The following AMMECR1 variants were observed in gnomAD, a reference collection of about 807,000 sequenced individuals.
The protein encoded by AMMECR1 is nuclear protein AMMECR1.
In AMMECR1, 3 loss-of-function variants were observed where a neutral mutation model predicts 22.5. The observed-to-expected ratio is 0.13, with a 90% CI of 0.06 to 0.35. AMMECR1 has a LOEUF of 0.35. AMMECR1 is among the 10% of genes least tolerant of loss of function. The pLI is 1.00. For missense variants in AMMECR1, 235 were observed against 278.7 expected, an observed-to-expected ratio of 0.84 and a Z score of 1.12; for synonymous variants, 130 against 116.7, an observed-to-expected ratio of 1.11 and a Z score of -0.74.
chrX:110,341,888 C>A (rs2068165792), intron 2 of AMMECR1, among the ~76,000 whole-genome samples: 1 of 110,921 alleles, frequency 9.0e-6, no homozygotes, highest in South Asian at 3.9e-4. Flanking sequence ...CATGGTGAAA[C>A]CTTGTCTCTA....
At chrX:110,360,565 A>G (rs1376427512) in intron 2 of AMMECR1, among the ~76,000 whole-genome samples, 1 of 111,734 alleles carries the variant, frequency 8.9e-6, no homozygotes, top group Non-Finnish European at 1.9e-5. Context: ...AGAATTGCAT[A>G]ATGGAGAGTA....
At chrX:110,294,479 C>G (rs2067924923) in intron 1 of AMMECR1, among the ~76,000 whole-genome samples, 1 of 112,191 alleles carries the variant, frequency 8.9e-6, no homozygotes, top group African/African-American at 3.2e-5. Context: ...CACTAGGAAT[C>G]TTGTTTTGTC....
chrX:110,279,361 T>C (rs1407985419), intron 1 of AMMECR1, among the ~76,000 whole-genome samples: 1 of 112,591 alleles, frequency 8.9e-6, no homozygotes, highest in Admixed American at 9.4e-5. Context: ...TCCAAATTGT[T>C]TTCTATAGGA....
At chrX:110,217,149 A>C (rs1198517296) in intron 2 of AMMECR1, among the ~76,000 whole-genome samples, 2 of 108,839 alleles carry the variant, frequency 1.8e-5, no homozygotes, top group Admixed American at 9.9e-5. Flanking sequence ...ACCATAGAAC[A>C]GCACTCAAAG....
chrX:110,380,450 CACAG>C (rs1222822266), intron 2 of AMMECR1, among the ~76,000 whole-genome samples: 1 of 111,844 alleles, frequency 8.9e-6, no homozygotes, highest in Non-Finnish European at 1.9e-5. Context: ...TCAGAGGCAA[CACAG>C]ACAAATGGAA....
intron 1 of AMMECR1, 117 bp downstream of exon 1, chrX:110,317,482 C>T (rs1299626259): frequency 7.5e-6 from 8 of 1,060,121 alleles, no homozygotes; most frequent in Non-Finnish European, 9.7e-6. Flanking sequence ...GCTCCGGGGA[C>T]CCGGGCAGCG....
intron 5 of AMMECR1, among the ~76,000 whole-genome samples, 165 bp downstream of exon 5, chrX:110,200,789 G>A (rs777512084): frequency 8.9e-6 from 1 of 112,082 alleles, no homozygotes; most frequent in African/African-American, 3.2e-5. Context: ...GCTTTACTAC[G>A]AAGCAGAGTT....
At chrX:110,297,622 C>T (rs1342787833) in intron 1 of AMMECR1, among the ~76,000 whole-genome samples, 1 of 111,577 alleles carries the variant, frequency 9.0e-6, no homozygotes, top group Non-Finnish European at 1.9e-5. Context: ...TGAATAAACA[C>T]TCCTCAGGTT....
intron 1 of AMMECR1, among the ~76,000 whole-genome samples, chrX:110,312,249 T>C (rs1219746595): frequency 1.3e-4 from 15 of 112,716 alleles, no homozygotes. Context: ...TATAATCCAC[T>C]ACAGCTAAGG....
At position 110,418,087 on chromosome X, in the gene AMMECR1, A is replaced by G. The variant is rs554615629; in HGVS notation, c.-148+8571T>C. Among the ~76,000 whole-genome samples the G allele has an allele frequency of 3.6e-5, 4 of 112,415 alleles. No individual in the cohort carries two copies. The South Asian group carries it at 1.5e-3, about 42-fold the overall frequency. ...AGAGAGGGCATCCCAGTCAGAAGGG[A>G]TATTCTGAGCAAAGAACCCAAAGAG... On this transcript the variant is annotated intron_variant, in intron 2 of 7. Transcript: ENST00000372057.
chrX:110,290,865 A>C (rs999909882), intron 1 of AMMECR1, among the ~76,000 whole-genome samples: 1 of 111,866 alleles, frequency 8.9e-6, no homozygotes, highest in Non-Finnish European at 1.9e-5. Context: ...ATGCTTATTA[A>C]TGTTTTTGAA....
intron 1 of AMMECR1, among the ~76,000 whole-genome samples, chrX:110,310,554 G>C: frequency 9.0e-6 from 1 of 111,517 alleles, no homozygotes; most frequent in Non-Finnish European, 1.9e-5. Context: ...AAGGGGAGGA[G>C]AGTTCTTATG....
intron 2 of AMMECR1, among the ~76,000 whole-genome samples, chrX:110,425,858 A>G (rs762266892): frequency 3.5e-5 from 4 of 112,909 alleles, no homozygotes; most frequent in Non-Finnish European, 5.6e-5. Flanking sequence ...CGAAGGAATA[A>G]ACAGATGAAT....
chrX:110,420,410 C>T (rs2068708609), intron 2 of AMMECR1, among the ~76,000 whole-genome samples: 1 of 111,778 alleles, frequency 8.9e-6, no homozygotes, highest in Non-Finnish European at 1.9e-5. Context: ...ATGTGTATTT[C>T]CCTGGTCAAG....
At chrX:110,242,553 C>G (rs2067638783) in intron 2 of AMMECR1, among the ~76,000 whole-genome samples, 1 of 111,890 alleles carries the variant, frequency 8.9e-6, no homozygotes. Flanking sequence ...TCTGTATCAT[C>G]AGTGTTAATC....
At chrX:110,318,621 C>T (rs908201146), upstream of AMMECR1, among the ~76,000 whole-genome samples, 3 of 111,112 alleles carry the variant, frequency 2.7e-5, no homozygotes, top group Non-Finnish European at 5.7e-5. Context: ...GCCACCCGGC[C>T]TCAAATACAC....
At chrX:110,238,689 G>A (rs1489387219) in intron 2 of AMMECR1, among the ~76,000 whole-genome samples, 1 of 112,507 alleles carries the variant, frequency 8.9e-6, no homozygotes, top group Non-Finnish European at 1.9e-5. Flanking sequence ...CACAGTGCTC[G>A]AGCTCTGCTA....
At chrX:110,367,223 A>C (rs181263473) in intron 2 of AMMECR1, among the ~76,000 whole-genome samples, 34 of 112,043 alleles carry the variant, frequency 3.0e-4, no homozygotes, top group South Asian at 1.1e-3. Flanking sequence ...ATGTTTAAAA[A>C]ATCTGTTCTC....
chrX:110,380,911 T>A (rs1427634567), intron 2 of AMMECR1, among the ~76,000 whole-genome samples: 2 of 112,373 alleles, frequency 1.8e-5, no homozygotes, highest in Non-Finnish European at 1.9e-5. Context: ...AAACTGGACC[T>A]CTGGCTATCA....
Sources: gnomAD v4.1 joint callset for allele counts (sites outside exome capture counted in the v4.1 genomes callset) on GRCh38, gnomAD v4.1.1 for gene constraint, MANE v1.5 for transcripts, NCBI Gene and HGNC (gene_info 2026-07-23, HGNC 2026-07-21) for gene names.